Variants in ST8SIA1 observed in about 807,000 individuals in gnomAD.
ST8SIA1 encodes the protein ST8 alpha-N-acetyl-neuraminide alpha-2,8-sialyltransferase 1.
In ST8SIA1, 16 loss-of-function variants were observed where a neutral mutation model predicts 35.9. That is an observed-to-expected ratio of 0.45 (90% CI 0.30 to 0.68). The LOEUF (loss-of-function observed/expected upper bound fraction) is 0.68. ST8SIA1 is among the 30% of genes least tolerant of loss of function. ST8SIA1 has a pLI of 0.09. For synonymous variants in ST8SIA1, 170 were observed against 169.6 expected (o/e 1.00, Z -0.02); for missense variants, 383 against 453.6 (o/e 0.84, Z 1.41).
chr12:22,285,880 A>ACAAAC (rs1565586727), intron 2 of ST8SIA1, among the ~76,000 whole-genome samples: 1,953 of 149,610 alleles, frequency 0.013, 62 homozygotes, highest in African/African-American at 0.045. Context: ...TCAAAAACAA[A>ACAAAC]AAAAAAAAAA....
At chr12:22,268,625 G>GT (rs1291939564) in intron 2 of ST8SIA1, 1 of 152,166 alleles carries the variant, frequency 6.6e-6, no homozygotes, top group Non-Finnish European at 1.5e-5. Flanking sequence ...TTGAGGGGAG[G>GT]GGGGGAAGCC....
chr12:22,252,552 A>T (rs994437014), intron 3 of ST8SIA1, among the ~76,000 whole-genome samples: 14 of 152,228 alleles, frequency 9.2e-5, no homozygotes, highest in African/African-American at 3.4e-4. Flanking sequence ...AATCAAAGGC[A>T]TACGCATACA....
intron 1 of ST8SIA1, among the ~76,000 whole-genome samples, chr12:22,315,431 C>T (rs1026128018): frequency 2.6e-5 from 4 of 152,126 alleles, no homozygotes; most frequent in Non-Finnish European, 5.9e-5. Flanking sequence ...TTAACACGTA[C>T]TGATTTTTAA....
At chr12:22,211,284 G>A (rs972538942) in intron 4 of ST8SIA1, among the ~76,000 whole-genome samples, 3 of 152,184 alleles carry the variant, frequency 2.0e-5, no homozygotes, top group African/African-American at 7.2e-5. Context: ...AGCCATGATT[G>A]ATTGAACCGC....
intron 2 of ST8SIA1, among the ~76,000 whole-genome samples, chr12:22,279,667 T>C (rs1866011558): frequency 6.6e-6 from 1 of 152,236 alleles, no homozygotes; most frequent in Admixed American, 6.5e-5. Context: ...TTACTCCTTA[T>C]TATCTTCTGG....
chr12:22,251,511 T>C (rs771732036), intron 3 of ST8SIA1, among the ~76,000 whole-genome samples: 1 of 152,216 alleles, frequency 6.6e-6, no homozygotes, highest in Non-Finnish European at 1.5e-5. Context: ...GGGTAAACTT[T>C]TTCTCTAAGT....
At chr12:22,242,051 T>A (rs1361224141) in intron 4 of ST8SIA1, among the ~76,000 whole-genome samples, 1 of 152,182 alleles carries the variant, frequency 6.6e-6, no homozygotes, top group Non-Finnish European at 1.5e-5. Context: ...AATATTATAA[T>A]GATTCATTGC....
intron 3 of ST8SIA1, among the ~76,000 whole-genome samples, chr12:22,253,404 A>G (rs1192836130): frequency 6.6e-6 from 1 of 151,964 alleles, no homozygotes; most frequent in African/African-American, 2.4e-5. Context: ...ATCTCAAGCC[A>G]TTTTCCCCAC....
chr12:22,263,930 C>G (rs1202144298), intron 2 of ST8SIA1, among the ~76,000 whole-genome samples: 1 of 152,174 alleles, frequency 6.6e-6, no homozygotes, highest in Non-Finnish European at 1.5e-5. Context: ...TGCTATCAGT[C>G]ATGATGTCAA....
At chr12:22,259,591 G>A (rs1216569348) in intron 2 of ST8SIA1, among the ~76,000 whole-genome samples, 2 of 151,074 alleles carry the variant, frequency 1.3e-5, no homozygotes, top group African/African-American at 2.4e-5. Flanking sequence ...TCGGCCTCCC[G>A]AGTAGCTGGG....
intron 3 of ST8SIA1, among the ~76,000 whole-genome samples, chr12:22,252,630 T>C (rs1301641913): frequency 6.6e-6 from 1 of 152,194 alleles, no homozygotes; most frequent in African/African-American, 2.4e-5. Flanking sequence ...TTTAGAAACA[T>C]TATGCTTAAT....
At chr12:22,310,945 T>C (rs1866441458) in intron 1 of ST8SIA1, among the ~76,000 whole-genome samples, 1 of 152,160 alleles carries the variant, frequency 6.6e-6, no homozygotes, top group Non-Finnish European at 1.5e-5. Context: ...GAGAACATAA[T>C]TAGTTTTCTT....
chr12:22,289,030 G>A (rs766288696), intron 1 of ST8SIA1, among the ~76,000 whole-genome samples: 29 of 152,260 alleles, frequency 1.9e-4, no homozygotes, highest in Non-Finnish European at 5.9e-5. Flanking sequence ...ACAGGCATGT[G>A]CCACCATGCC....
At chr12:22,332,223 G>A (rs1006169468) in intron 1 of ST8SIA1, among the ~76,000 whole-genome samples, 1 of 152,142 alleles carries the variant, frequency 6.6e-6, no homozygotes, top group African/African-American at 2.4e-5. Context: ...GTAATTCTCT[G>A]CACATAGAGA....
chr12:22,311,399 G>A (rs1050938994), intron 1 of ST8SIA1, among the ~76,000 whole-genome samples: 5 of 152,142 alleles, frequency 3.3e-5, no homozygotes, highest in East Asian at 1.9e-4. Context: ...ACTGAGAATC[G>A]AAGGACTAGA....
chr12:22,318,687 A>G (rs936908265), intron 1 of ST8SIA1, among the ~76,000 whole-genome samples: 3 of 152,226 alleles, frequency 2.0e-5, no homozygotes, highest in Non-Finnish European at 2.9e-5. Context: ...GGAATGGGTG[A>G]TACAAACAGC....
At chr12:22,282,497 C>G (rs1866049473) in intron 2 of ST8SIA1, among the ~76,000 whole-genome samples, 1 of 152,190 alleles carries the variant, frequency 6.6e-6, no homozygotes, top group African/African-American at 2.4e-5. Context: ...ATCTGTCCAG[C>G]TTTCCTCTTC....
intron 1 of ST8SIA1, chr12:22,325,146 C>T: frequency 3.2e-6 from 1 of 312,164 alleles, no homozygotes; most frequent in Non-Finnish European, 5.8e-6. Flanking sequence ...GTATTCTTTC[C>T]AAAATCAGAC....
intron 3 of ST8SIA1, among the ~76,000 whole-genome samples, chr12:22,252,515 C>T (rs1045060528): frequency 6.6e-5 from 10 of 152,278 alleles, no homozygotes; most frequent in African/African-American, 2.4e-4. Flanking sequence ...TAAAATGTGT[C>T]ATAAAACAGA....
Sources: gnomAD v4.1 joint callset for allele counts (sites outside exome capture counted in the v4.1 genomes callset) on GRCh38, gnomAD v4.1.1 for gene constraint, MANE v1.5 for transcripts, NCBI Gene and HGNC (gene_info 2026-07-23, HGNC 2026-07-21) for gene names.